Variants in DCLK2 observed in about 807,000 individuals in gnomAD.
The protein encoded by DCLK2 is doublecortin like kinase 2.
In DCLK2, 31 loss-of-function variants were observed where a neutral mutation model predicts 78.4. The observed-to-expected ratio is 0.40, with a 90% CI of 0.30 to 0.53. The LOEUF (loss-of-function observed/expected upper bound fraction) is 0.53, where lower values mean the gene tolerates loss of function less well. DCLK2 is among the 20% of genes least tolerant of loss of function. The probability of loss-of-function intolerance (pLI) is 0.61; values close to 1 mark genes in which losing one functional copy is unlikely to be tolerated. For missense variants in DCLK2, 872 were observed against 973.7 expected (o/e 0.90, Z 1.39); for synonymous variants, 407 against 374.9 (o/e 1.09, Z -0.99).
intron 2 of DCLK2, among the ~76,000 whole-genome samples, chr4:150,185,609 G>A (rs1737870307): frequency 6.6e-6 from 1 of 151,936 alleles, no homozygotes; most frequent in Non-Finnish European, 1.5e-5. Context: ...AACTACTCGG[G>A]AGGCTGAGGC....
At chr4:150,249,762 C>T in intron 15 of DCLK2, 78 bp downstream of exon 15, 1 of 1,190,074 alleles carries the variant, frequency 8.4e-7, no homozygotes, top group South Asian at 1.2e-5. Flanking sequence ...GGGAGCTGCC[C>T]TCACATGGAA....
intron 2 of DCLK2, among the ~76,000 whole-genome samples, chr4:150,190,052 G>GAA (rs1560850360): frequency 1.5e-5 from 1 of 68,200 alleles, no homozygotes. Flanking sequence ...AAAAAAAAAA[G>GAA]GCCAAGTGTG....
chr4:150,161,043 GA>G (rs1290518166), intron 2 of DCLK2, among the ~76,000 whole-genome samples: 3 of 152,042 alleles, frequency 2.0e-5, no homozygotes, highest in Admixed American at 6.5e-5. Flanking sequence ...GTGTCAAAAA[GA>G]AATGACAAAA....
At chr4:150,117,022 G>A (rs1036843323) in intron 2 of DCLK2, among the ~76,000 whole-genome samples, 29 of 152,136 alleles carry the variant, frequency 1.9e-4, no homozygotes, top group Admixed American at 3.3e-4. Context: ...AAAAGTTTCT[G>A]TTCTTTGTGT....
At chr4:150,248,419 CTG>C (rs1743494201) in intron 14 of DCLK2, 34 bp downstream of exon 14, 10 of 1,559,570 alleles carry the variant, frequency 6.4e-6, no homozygotes, top group Non-Finnish European at 8.8e-6. Flanking sequence ...ATGGGCCTCA[CTG>C]TGCTCTGTGG....
At chr4:150,118,356 A>G (rs1049149025) in intron 2 of DCLK2, among the ~76,000 whole-genome samples, 3 of 152,216 alleles carry the variant, frequency 2.0e-5, no homozygotes, top group Admixed American at 6.5e-5. Flanking sequence ...TTATACTTTG[A>G]GTAGGATCTG....
chr4:150,229,636 AC>A lies in DCLK2; in HGVS notation c.1300-2694del, dbSNP rs964522093. On this transcript the variant is annotated intron_variant, in intron 8 of 15. Coordinates refer to ENST00000296550, the MANE Select transcript of DCLK2 (RefSeq NM_001040260.4). ...AGAGAGTTGTTTTGTCTCCTATTAT[AC>A]CCCCCCATTCCTCTCTCTTTGTACG... Among the ~76,000 whole-genome samples the A allele has an allele frequency of 5.9e-5, 9 of 151,472 alleles. No individual in the cohort carries two copies. In the South Asian group the frequency reaches 8.4e-4, roughly 14 times the overall value.
chr4:150,140,543 T>TC (rs1734042899), intron 2 of DCLK2, among the ~76,000 whole-genome samples: 1 of 152,186 alleles, frequency 6.6e-6, no homozygotes, highest in Non-Finnish European at 1.5e-5. Flanking sequence ...ATGGACTTTT[T>TC]CACAAAAGCC....
intron 5 of DCLK2, among the ~76,000 whole-genome samples, chr4:150,206,989 A>T (rs1370292587): frequency 6.6e-6 from 1 of 152,094 alleles, no homozygotes; most frequent in Non-Finnish European, 1.5e-5. Flanking sequence ...ACAGATGAGG[A>T]ATTACAGATA....
intron 2 of DCLK2, among the ~76,000 whole-genome samples, chr4:150,133,508 G>GATATA (rs1733476274): frequency 6.6e-6 from 1 of 152,128 alleles, no homozygotes; most frequent in Non-Finnish European, 1.5e-5. Context: ...CTATCAACAT[G>GATATA]GCAAAGTAAG....
intron 5 of DCLK2, among the ~76,000 whole-genome samples, chr4:150,211,910 G>C (rs1740348873): frequency 6.6e-6 from 1 of 152,120 alleles, no homozygotes; most frequent in South Asian, 2.1e-4. Flanking sequence ...TTAAATCACA[G>C]CATTTTCTTT....
chr4:150,180,164 G>A (rs759703517), intron 2 of DCLK2, among the ~76,000 whole-genome samples: 2 of 152,152 alleles, frequency 1.3e-5, no homozygotes, highest in Non-Finnish European at 2.9e-5. Context: ...AGTATAAAGA[G>A]TATGTTCCAA....
chr4:150,087,441 C>T (rs1729726280), intron 1 of DCLK2, among the ~76,000 whole-genome samples: 1 of 152,094 alleles, frequency 6.6e-6, no homozygotes, highest in South Asian at 2.1e-4. Flanking sequence ...TTTGAAATAG[C>T]AATGTGAGGA....
rs922380783 is a variant in DCLK2, at chr4:150,102,803, T to C, written c.747T>C (p.Asp249=). The change falls in exon 2 of 16, where the codon GAT becomes GAC. Residue 249 remains aspartate (D), a synonymous_variant. Transcript: ENST00000296550. ...TCGTCAAGAGGCTCTGCACCCTGGA[T>C]GGAAAGCAGGTAAGATGCTTCTAGC... The part of the protein sequence containing the change: ...SGVVKRLCTL[D]GKQVTCLQDF... The C allele has an allele frequency of 3.7e-6, 6 of 1,602,930 alleles. No individual in the cohort carries two copies. The highest frequency in any genetic ancestry group is 3.3e-5 in the South Asian group (3 of 89,800).
intron 4 of DCLK2, among the ~76,000 whole-genome samples, chr4:150,201,902 A>G (rs1739481782): frequency 6.6e-6 from 1 of 152,208 alleles, no homozygotes; most frequent in Non-Finnish European, 1.5e-5. Context: ...AATTCCATTG[A>G]AAAAGATTTT....
chr4:150,107,760 G>C (rs1010542210), intron 2 of DCLK2, among the ~76,000 whole-genome samples: 15 of 152,220 alleles, frequency 9.9e-5, no homozygotes, highest in African/African-American at 3.6e-4. Flanking sequence ...GTACAGCTTT[G>C]CAGGGGATTA....
At chr4:150,139,768 G>T (rs1325553913) in intron 2 of DCLK2, among the ~76,000 whole-genome samples, 2 of 152,184 alleles carry the variant, frequency 1.3e-5, no homozygotes, top group African/African-American at 2.4e-5. Flanking sequence ...ATTTAGGGTA[G>T]GGAGGCTCAG....
intron 4 of DCLK2, among the ~76,000 whole-genome samples, chr4:150,201,184 CAAA>C (rs759589791): frequency 2.0e-5 from 3 of 151,984 alleles, no homozygotes; most frequent in Admixed American, 6.6e-5. Context: ...TCAAAGAAAA[CAAA>C]AAAGCCCCCA....
In DCLK2 at chr4:150,239,733, C is replaced by G; in HGVS notation, c.1567-9C>G. ...AAATCTTCTGATTGTTGGCTGATTT[C>G]TGTTTCAGGTGTGTGAATATCCTGA... On this transcript the variant is annotated splice_polypyrimidine_tract_variant and intron_variant, in intron 10 of 15. Coordinates refer to ENST00000296550, the MANE Select transcript of DCLK2 (RefSeq NM_001040260.4). 2 of 1,610,260 alleles carry G rather than the reference C, an allele frequency of 1.2e-6. No individual in the cohort carries two copies. Among genetic ancestry groups the G allele is most frequent in the Non-Finnish European group, 1.7e-6 (2 of 1,179,106 alleles).
Sources: allele counts gnomAD v4.1 joint callset (sites outside exome capture counted in the v4.1 genomes callset), GRCh38; gene constraint gnomAD v4.1.1; transcripts MANE v1.5; gene names NCBI Gene and HGNC (gene_info 2026-07-23, HGNC 2026-07-21).